ANXA10: variants seen among roughly 807,000 people sequenced by gnomAD.
ANXA10 encodes annexin A10.
Under a neutral mutation model 53.5 loss-of-function variants are expected in ANXA10, and 49 were observed. The observed-to-expected ratio is 0.92, with a 90% confidence interval of 0.73 to 1.16. The LOEUF (loss-of-function observed/expected upper bound fraction) is 1.16. Ranked by LOEUF, ANXA10 falls within the 50% of genes most tolerant of loss-of-function variation. The pLI, the probability that ANXA10 is intolerant of heterozygous loss-of-function variation, is 0.00. For synonymous variants in ANXA10, 131 were observed against 128.9 expected (o/e 1.02, Z -0.11); for missense variants, 393 against 394.4 (o/e 1.00, Z 0.03).
At chr4:168,147,518 T>C (rs1731424774) in intron 3 of ANXA10, among the ~76,000 whole-genome samples, 1 of 152,338 alleles carries the variant, frequency 6.6e-6, no homozygotes, top group Non-Finnish European at 1.5e-5. Flanking sequence ...ACTTCTTACA[T>C]ATGCTGTTTT....
intron 1 of ANXA10, among the ~76,000 whole-genome samples, chr4:168,118,796 G>C (rs972339735): frequency 6.6e-6 from 1 of 152,146 alleles, no homozygotes; most frequent in Non-Finnish European, 1.5e-5. Flanking sequence ...AATGTGTAAA[G>C]ACACCTTCAT....
chr4:168,109,220 A>T (rs1476225204), intron 1 of ANXA10, among the ~76,000 whole-genome samples: 3 of 152,192 alleles, frequency 2.0e-5, no homozygotes, highest in Non-Finnish European at 4.4e-5. Flanking sequence ...CAGAAAGAAG[A>T]TCAATGTATG....
chr4:168,168,603 T>A (rs1479108634), intron 6 of ANXA10, among the ~76,000 whole-genome samples: 2 of 152,072 alleles, frequency 1.3e-5, no homozygotes, highest in African/African-American at 4.8e-5. Context: ...TTATTTTTAG[T>A]AGAGACGCGG....
At chr4:168,096,926 A>ATATATATGTATATGTATATATATATATG (rs371811709) in intron 1 of ANXA10, among the ~76,000 whole-genome samples, 1 of 129,902 alleles carries the variant, frequency 7.7e-6, no homozygotes, top group African/African-American at 3.0e-5. Flanking sequence ...ATATATATAT[A>ATATATATGTATATGTATATATATATATG]TATGTATGTA....
chr4:168,161,666 T>G (rs1731787305), intron 3 of ANXA10, among the ~76,000 whole-genome samples: 1 of 152,202 alleles, frequency 6.6e-6, no homozygotes, highest in Non-Finnish European at 1.5e-5. Flanking sequence ...TATGGCCATT[T>G]TCATGATATT....
intron 1 of ANXA10, among the ~76,000 whole-genome samples, chr4:168,118,096 T>G (rs11946776): frequency 0.52 from 78,430 of 151,634 alleles, 21,117 homozygotes; most frequent in Non-Finnish European, 0.6. Context: ...GATTCTTTTT[T>G]TTTTTTTTCC....
At chr4:168,127,696 T>C (rs1731090368) in intron 1 of ANXA10, 1 of 426,156 alleles carries the variant, frequency 2.3e-6, no homozygotes, top group South Asian at 1.8e-5. Flanking sequence ...CCAAATTTTC[T>C]CTCTGCAATT....
chr4:168,156,183 T>TATTATA (rs1553957749), intron 3 of ANXA10, among the ~76,000 whole-genome samples: 2 of 45,196 alleles, frequency 4.4e-5, no homozygotes, highest in Non-Finnish European at 7.0e-5. Flanking sequence ...ATATTATATA[T>TATTATA]TATATATTAT....
chr4:168,106,738 T>A (rs772685082), intron 1 of ANXA10, among the ~76,000 whole-genome samples: 4 of 152,150 alleles, frequency 2.6e-5, no homozygotes, highest in Non-Finnish European at 5.9e-5. Context: ...GAAAGGAGGT[T>A]GTAACATTTT....
intron 1 of ANXA10, among the ~76,000 whole-genome samples, chr4:168,093,993 G>C (rs1579195358): frequency 6.6e-6 from 1 of 152,074 alleles, no homozygotes; most frequent in Non-Finnish European, 1.5e-5. Flanking sequence ...AAGGTATCAA[G>C]TAATTAGGCC....
At chr4:168,182,656 A>C (rs1329091218) in intron 10 of ANXA10, among the ~76,000 whole-genome samples, 7 of 150,546 alleles carry the variant, frequency 4.6e-5, no homozygotes, top group African/African-American at 1.7e-4. Flanking sequence ...TTTTTAAAAA[A>C]CAAACACTTA....
At chr4:168,150,893 T>C (rs1731485959) in intron 3 of ANXA10, among the ~76,000 whole-genome samples, 1 of 152,112 alleles carries the variant, frequency 6.6e-6, no homozygotes, top group African/African-American at 2.4e-5. Context: ...GTAAGAGGGT[T>C]GGTTGATATC....
intron 3 of ANXA10, among the ~76,000 whole-genome samples, chr4:168,156,390 ATT>A (rs1731682195): frequency 8.6e-6 from 1 of 116,658 alleles, no homozygotes; most frequent in South Asian, 2.3e-4. Flanking sequence ...ATTAATATAT[ATT>A]ATATTATATA....
intron 3 of ANXA10, among the ~76,000 whole-genome samples, chr4:168,150,720 T>G (rs899102929): frequency 6.6e-6 from 1 of 152,160 alleles, no homozygotes; most frequent in Admixed American, 6.5e-5. Context: ...TGTTAGCATG[T>G]TGCGAGGGTG....
chr4:168,108,440 G>A (rs953583865), intron 1 of ANXA10, among the ~76,000 whole-genome samples: 2 of 152,120 alleles, frequency 1.3e-5, no homozygotes, highest in African/African-American at 4.8e-5. Context: ...GATACACTAT[G>A]GCCTTCAAAG....
intron 3 of ANXA10, among the ~76,000 whole-genome samples, chr4:168,142,971 G>C (rs142488250): frequency 2.6e-5 from 4 of 152,300 alleles, no homozygotes; most frequent in African/African-American, 9.6e-5. Context: ...CCCAGCCCAG[G>C]TCTGGCATAG....
intron 1 of ANXA10, among the ~76,000 whole-genome samples, chr4:168,112,919 A>C (rs1730834157): frequency 6.6e-6 from 1 of 152,088 alleles, no homozygotes; most frequent in African/African-American, 2.4e-5. Flanking sequence ...GCAAGTCAGG[A>C]GTCTGAAGCA....
chr4:168,158,315 G>A (rs1336198277), intron 3 of ANXA10, among the ~76,000 whole-genome samples: 1 of 152,194 alleles, frequency 6.6e-6, no homozygotes, highest in East Asian at 1.9e-4. Context: ...GGTTTTAAGA[G>A]ATTCTTGTAT....
In ANXA10 at chr4:168,181,702, A is replaced by G. The variant is rs759425716; in HGVS notation, c.744A>G (p.Lys248=). ...LVAIVLCVRD[K]PAYFAYRLYS... The stretch of plus-strand genomic sequence containing the variant: ...TCCTAGTTCTCTGTGTTCGAGACAA[A>G]CCAGCCTATTTTGCTTATAGATTAT... Residue 248 remains lysine, a synonymous_variant, in exon 10 of 12, where the codon AAA becomes AAG. Transcript: ENST00000359299. The G allele has an allele frequency of 6.2e-7, 1 of 1,604,692 alleles. No homozygotes were observed. Among genetic ancestry groups the G allele is most frequent in the Non-Finnish European group, 8.5e-7 (1 of 1,173,412 alleles).
Sources: gnomAD v4.1 joint callset for allele counts (sites outside exome capture counted in the v4.1 genomes callset) on GRCh38, gnomAD v4.1.1 for gene constraint, MANE v1.5 for transcripts, NCBI Gene and HGNC (gene_info 2026-07-23, HGNC 2026-07-21) for gene names.